The following CSMD1 variants were observed in gnomAD, a reference collection of about 807,000 sequenced individuals.
The protein encoded by CSMD1 is CUB and Sushi multiple domains 1.
A neutral mutation model predicts 417.5 loss-of-function variants in CSMD1; 213 were observed. The ratio of observed to expected loss-of-function variants is 0.51; its 90% CI spans 0.46 to 0.57. The LOEUF (loss-of-function observed/expected upper bound fraction) is 0.57. Among genes scored for constraint, CSMD1 ranks in the 20% least tolerant of loss-of-function variants. The pLI is 0.00. For missense variants in CSMD1, 6,923 were observed against 4,529.7 expected (o/e 1.53, Z -15.17); for synonymous variants, 2,862 against 1,736.8 (o/e 1.65, Z -16.11).
chr8:4,301,799 C>T (rs1290169828), intron 3 of CSMD1, among the ~76,000 whole-genome samples: 2 of 152,176 alleles, frequency 1.3e-5, no homozygotes, highest in Non-Finnish European at 2.9e-5. Context: ...TTGATTTTGC[C>T]AGGGGGGTTC....
chr8:4,955,949 G>C (rs1585403494), intron 1 of CSMD1, among the ~76,000 whole-genome samples: 1 of 152,194 alleles, frequency 6.6e-6, no homozygotes, highest in Admixed American at 6.5e-5. Context: ...GAATGGCTGA[G>C]TTTGAGAAAC....
chr8:4,152,720 C>G (rs1585432356), intron 3 of CSMD1, among the ~76,000 whole-genome samples: 1 of 151,738 alleles, frequency 6.6e-6, no homozygotes, highest in Non-Finnish European at 1.5e-5. Context: ...TTTACATATA[C>G]ACACACACAA....
chr8:4,369,201 T>C (rs1282344713), intron 3 of CSMD1, among the ~76,000 whole-genome samples: 2 of 152,218 alleles, frequency 1.3e-5, no homozygotes, highest in Non-Finnish European at 2.9e-5. Context: ...AATTTCATTC[T>C]TTACCTAAAA....
chr8:4,968,230 T>A (rs1335102244), intron 1 of CSMD1, among the ~76,000 whole-genome samples: 3 of 149,526 alleles, frequency 2.0e-5, no homozygotes, highest in Non-Finnish European at 1.5e-5. Context: ...TTGATTCATT[T>A]TTAAAAATTC....
chr8:3,609,593 T>TAA (rs1323954135), intron 8 of CSMD1, among the ~76,000 whole-genome samples: 1 of 152,082 alleles, frequency 6.6e-6, no homozygotes, highest in Non-Finnish European at 1.5e-5. Context: ...TTTACCAGCC[T>TAA]AAAAAAGTGA....
At chr8:3,608,699 G>C (rs1335968757) in intron 8 of CSMD1, among the ~76,000 whole-genome samples, 1 of 151,372 alleles carries the variant, frequency 6.6e-6, no homozygotes, top group Admixed American at 6.6e-5. Context: ...GAGAGGTGGA[G>C]GCTGCAGTAA....
At chr8:3,759,489 G>A (rs1160979458) in intron 5 of CSMD1, among the ~76,000 whole-genome samples, 3 of 152,148 alleles carry the variant, frequency 2.0e-5, no homozygotes, top group South Asian at 2.1e-4. Context: ...TTTTAGGCCT[G>A]CTGGATTTGG....
chr8:3,215,968 T>G (rs190569574), intron 29 of CSMD1, among the ~76,000 whole-genome samples: 1 of 150,324 alleles, frequency 6.7e-6, no homozygotes, highest in African/African-American at 2.4e-5. Context: ...ATACATTATA[T>G]AAAGAATCTA....
intron 2 of CSMD1, among the ~76,000 whole-genome samples, chr8:4,623,159 G>A (rs951132030): frequency 6.6e-6 from 1 of 152,072 alleles, no homozygotes; most frequent in East Asian, 1.9e-4. Context: ...GAAGACAAAA[G>A]TTGCAGTGAA....
At chr8:4,833,150 T>C (rs997949506) in intron 1 of CSMD1, among the ~76,000 whole-genome samples, 3 of 152,224 alleles carry the variant, frequency 2.0e-5, no homozygotes, top group African/African-American at 4.8e-5. Flanking sequence ...ATATCCACTG[T>C]ATTAGTCCAT....
chr8:3,826,941 G>A (rs954249000), intron 5 of CSMD1, among the ~76,000 whole-genome samples: 1 of 151,924 alleles, frequency 6.6e-6, no homozygotes, highest in Non-Finnish European at 1.5e-5. Context: ...CATGTGCCTA[G>A]CTATTTTTTT....
At chr8:3,257,933 G>T (rs1168618400) in intron 26 of CSMD1, among the ~76,000 whole-genome samples, 3 of 152,136 alleles carry the variant, frequency 2.0e-5, no homozygotes, top group African/African-American at 7.2e-5. Context: ...AAGAATTAAT[G>T]TAGCCACTGT....
chr8:4,791,978 T>C (rs1256225548), intron 1 of CSMD1, among the ~76,000 whole-genome samples: 2 of 152,186 alleles, frequency 1.3e-5, no homozygotes, highest in African/African-American at 4.8e-5. Context: ...TTTATCCAAG[T>C]GTCCTTTATA....
intron 3 of CSMD1, among the ~76,000 whole-genome samples, chr8:4,375,885 C>T (rs912003607): frequency 2.0e-5 from 3 of 152,158 alleles, no homozygotes; most frequent in Non-Finnish European, 2.9e-5. Flanking sequence ...CCATCAAACA[C>T]AGGCAAATGC....
intron 2 of CSMD1, among the ~76,000 whole-genome samples, chr8:4,436,139 G>C (rs762557411): frequency 6.6e-6 from 1 of 152,076 alleles, no homozygotes; most frequent in Non-Finnish European, 1.5e-5. Context: ...ATAAAAAATA[G>C]AAGTCATAGA....
chr8:3,620,036 A>T (rs1189861214), intron 7 of CSMD1, among the ~76,000 whole-genome samples: 1 of 152,178 alleles, frequency 6.6e-6, no homozygotes, highest in Non-Finnish European at 1.5e-5. Context: ...TGGGAGGCAG[A>T]TGTTGCAGTG....
chr8:4,980,456 C>T (rs1810827526), intron 1 of CSMD1, among the ~76,000 whole-genome samples: 1 of 152,180 alleles, frequency 6.6e-6, no homozygotes, highest in Non-Finnish European at 1.5e-5. Flanking sequence ...AGGAGGCTTT[C>T]AAGAGGCCTG....
At chr8:3,276,827 A>G (rs992127964) in intron 26 of CSMD1, among the ~76,000 whole-genome samples, 2 of 152,134 alleles carry the variant, frequency 1.3e-5, no homozygotes, top group Non-Finnish European at 2.9e-5. Flanking sequence ...ACGCATATCT[A>G]ATTAGCAGAC....
intron 25 of CSMD1, among the ~76,000 whole-genome samples, chr8:3,296,460 T>C (rs749839966): frequency 6.6e-6 from 1 of 151,996 alleles, no homozygotes; most frequent in African/African-American, 2.4e-5. Context: ...GTAGGCTGTT[T>C]TAAGGATGAT....
Sources: allele counts gnomAD v4.1 joint callset (sites outside exome capture counted in the v4.1 genomes callset), GRCh38; gene constraint gnomAD v4.1.1; transcripts MANE v1.5; gene names NCBI Gene and HGNC (gene_info 2026-07-23, HGNC 2026-07-21).